Variants in HECTD4 observed in about 807,000 individuals in gnomAD.
HECTD4 encodes the protein HECT domain E3 ubiquitin protein ligase 4.
Under a neutral mutation model 471.5 loss-of-function variants are expected in HECTD4, and 114 were observed. The ratio of observed to expected loss-of-function variants is 0.24; its 90% CI spans 0.21 to 0.28. The LOEUF (loss-of-function observed/expected upper bound fraction) is 0.28. Ranked by LOEUF, HECTD4 falls within the 10% of genes least tolerant of loss-of-function variation. The pLI is 1.00. For missense variants in HECTD4, 3,866 were observed against 5,651.5 expected (o/e 0.68, Z 10.13); for synonymous variants, 2,012 against 2,256.0 (o/e 0.89, Z 3.07).
chr12:112,365,565 T>C (rs1382173748), intron 1 of HECTD4, among the ~76,000 whole-genome samples: 1 of 152,186 alleles, frequency 6.6e-6, no homozygotes, highest in Non-Finnish European at 1.5e-5. Flanking sequence ...GGCTACCAAC[T>C]GGACAGTGCA....
intron 44 of HECTD4, 87 bp from the exon 45 acceptor site, chr12:112,219,576 T>A: frequency 2.3e-6 from 2 of 864,422 alleles, no homozygotes; most frequent in Non-Finnish European, 3.7e-6. Flanking sequence ...ATCAAAACAA[T>A]AAAATGCACT....
chr12:112,382,402 T>G lies in HECTD4; in HGVS notation c.-274A>C. 1 of 314,038 alleles carries G rather than the reference T, an allele frequency of 3.2e-6. No homozygotes were observed. The highest frequency in any genetic ancestry group is 5.6e-6 in the Non-Finnish European group (1 of 176,998). 19.5% of individuals were successfully genotyped at this position (314,038 alleles called of 1,614,324 possible). ...GCCTCTGCCGCTCGGCAACCAACTG[T>G]CAGTGAGACGCCATGTTGGGGGCGG... On this transcript the variant is annotated 5_prime_UTR_variant, in exon 1 of 76. It removes the in-frame stop codon of an upstream open reading frame in the 5' UTR. Transcript: ENST00000682272.
chr12:112,162,014 C>A lies in HECTD4; in HGVS notation c.*373G>T, dbSNP rs749899185. 5.2e-6 allele frequency: 1 copy of A among 191,874 alleles called. No individual in the cohort carries two copies. The highest frequency in any genetic ancestry group is 1.1e-5 in the Non-Finnish European group (1 of 92,908). The allele number at this position is 191,874 out of a possible 1,614,324, so 11.9% of individuals were successfully genotyped here. ...TGAAAGCACGAGCGCTCTGTGTGGC[C>A]GAGGTCATTGTACCCCCGGCTTCCT... On this transcript the variant is annotated 3_prime_UTR_variant, in exon 76 of 76. Transcript: ENST00000682272. This position sits in a 1 kb window ranked among gnomAD's most constrained non-coding sequence, Gnocchi z 5.2.
intron 1 of HECTD4, among the ~76,000 whole-genome samples, chr12:112,366,645 C>A (rs1286440930): frequency 1.3e-5 from 2 of 151,342 alleles, no homozygotes; most frequent in Non-Finnish European, 2.9e-5. Context: ...CTTTGGGAAC[C>A]CAAGGTGGGC....
In HECTD4 at chr12:112,228,556, T is replaced by C; in HGVS notation, c.6684+91A>G. On this transcript the variant is annotated intron_variant, in intron 42 of 75. Coordinates refer to ENST00000682272, the MANE Select transcript of HECTD4 (RefSeq NM_001388303.1). This position sits in a 1 kb window ranked among gnomAD's most constrained non-coding sequence, Gnocchi z 4.9. ...AAGTACAATTTAAGATAATCAAGCATTTGTGCTTCTGCACTGAGCATGTGC... is the reference window on the plus strand; with the variant it reads ...AAGTACAATTTAAGATAATCAAGCACTTGTGCTTCTGCACTGAGCATGTGC... 8.8e-7 allele frequency: 1 copy of C among 1,136,620 alleles called. No homozygotes were observed. Among genetic ancestry groups the C allele is most frequent in the South Asian group, 1.7e-5 (1 of 59,458 alleles). The allele number at this position is 1,136,620 out of a possible 1,614,324, so 70.4% of individuals were successfully genotyped here.
intron 4 of HECTD4, among the ~76,000 whole-genome samples, chr12:112,311,223 C>T (rs1010178792): frequency 6.6e-6 from 1 of 151,364 alleles, no homozygotes; most frequent in African/African-American, 2.4e-5. Flanking sequence ...GATCGCGCCA[C>T]TGCACTGTAG....
At chr12:112,280,591 C>A (rs1426235086) in intron 8 of HECTD4, among the ~76,000 whole-genome samples, 1 of 150,584 alleles carries the variant, frequency 6.6e-6, no homozygotes, top group African/African-American at 2.4e-5. Context: ...TTTTAAGCTG[C>A]AAGCCCCCAC....
intron 1 of HECTD4, among the ~76,000 whole-genome samples, chr12:112,336,260 A>G (rs2035956336): frequency 6.6e-6 from 1 of 152,206 alleles, no homozygotes; most frequent in African/African-American, 2.4e-5. Context: ...GCGGTGGCTC[A>G]TGCCTGTAAT....
intron 1 of HECTD4, among the ~76,000 whole-genome samples, chr12:112,380,327 C>T (rs1362273978): frequency 6.6e-6 from 1 of 152,062 alleles, no homozygotes; most frequent in Non-Finnish European, 1.5e-5. Flanking sequence ...TGCCTGTAAT[C>T]CCAGCAACTC....
chr12:112,164,080 G>A, intron 73 of HECTD4, 29 bp downstream of exon 73: 2 of 1,409,878 alleles, frequency 1.4e-6, no homozygotes, highest in South Asian at 1.6e-5. Flanking sequence ...GCCAGCCCCT[G>A]CCAGCCCCTG....
At position 112,319,557 on chromosome 12, in the gene HECTD4, C is replaced by T; in HGVS notation, c.363G>A (p.Glu121=). The T allele has an allele frequency of 2.1e-6, 3 of 1,438,986 alleles. No homozygotes were observed. The highest frequency in any genetic ancestry group is 3.0e-5 in the South Asian group (2 of 67,440). The allele number at this position is 1,438,986 out of a possible 1,614,324, so 89.1% of individuals were successfully genotyped here. A position where few individuals can be genotyped will look rare whatever the true frequency, so the allele number is the denominator to read the frequency against. Residue 121 remains glutamate (E), a synonymous_variant, in exon 2 of 76, where the codon GAG becomes GAA. Transcript: ENST00000682272. This position sits in a 1 kb window ranked among gnomAD's most constrained non-coding sequence, Gnocchi z 5.3. ...EQHERESSGD[E]ETLALLKRQG... ...GGCGTTTGAGCAGGGCCAAAGTTTC[C>T]TCATCACCTGAACTTTCCCTTTCAT...
intron 54 of HECTD4, among the ~76,000 whole-genome samples, chr12:112,202,275 G>A (rs1339330229): frequency 2.0e-5 from 3 of 151,440 alleles, no homozygotes; most frequent in Admixed American, 6.6e-5. Context: ...GCATGATCTC[G>A]GCTCACCGCA....
At chr12:112,297,618 C>T (rs139103270) in intron 7 of HECTD4, among the ~76,000 whole-genome samples, 2 of 152,070 alleles carry the variant, frequency 1.3e-5, no homozygotes, top group East Asian at 3.9e-4. Flanking sequence ...GACACAGATG[C>T]CATTATCTGA....
chr12:112,212,389 T>C, intron 49 of HECTD4, 98 bp downstream of exon 49: 1 of 955,676 alleles, frequency 1.0e-6, no homozygotes, highest in Non-Finnish European at 1.6e-6. Context: ...CAATATTATG[T>C]ACAATGAGGG....
intron 7 of HECTD4, among the ~76,000 whole-genome samples, chr12:112,305,368 A>G (rs1256719528): frequency 1.3e-5 from 2 of 152,022 alleles, no homozygotes; most frequent in Non-Finnish European, 2.9e-5. Flanking sequence ...TCCCTAAAAC[A>G]TGCTGCCTCC....
In HECTD4 at chr12:112,248,340, C is replaced by T. The variant is rs1159019591; in HGVS notation, c.4123G>A (p.Ala1375Thr). Reference protein sequence around the residue: ...IMGETFKKLNAMERQLQSVAE... With the variant: ...IMGETFKKLNTMERQLQSVAE... Reference sequence around the variant, plus strand: ...TTTACCTGCAGCTGTCTCTCCATGGCATTGAGTTTCTTAAAGGTCTCTCCC... The same window carrying T: ...TTTACCTGCAGCTGTCTCTCCATGGTATTGAGTTTCTTAAAGGTCTCTCCC... The change falls in exon 26 of 76, where the codon GCC (alanine) becomes ACC (threonine). Residue 1375 changes from alanine to threonine, a missense_variant. By Grantham distance (58) the Ala-to-Thr change is moderately conservative (BLOSUM62 0). Transcript: ENST00000682272. The T allele has an allele frequency of 1.3e-6, 2 of 1,599,436 alleles. No individual in the cohort carries two copies. Among genetic ancestry groups the T allele is most frequent in the Non-Finnish European group, 1.7e-6 (2 of 1,172,242 alleles).
intron 7 of HECTD4, 105 bp from the exon 8 acceptor site, chr12:112,283,407 C>T (rs2034686025): frequency 1.3e-5 from 11 of 871,938 alleles, no homozygotes; most frequent in Non-Finnish European, 1.9e-5. Context: ...ATTTCAAAAA[C>T]TGCTCCTGAG....
At chr12:112,229,999 T>A in intron 40 of HECTD4, 119 bp from the exon 41 acceptor site, 2 of 887,708 alleles carry the variant, frequency 2.3e-6, no homozygotes, top group Non-Finnish European at 3.3e-6. Flanking sequence ...TCTGGACATG[T>A]GAGGGACCAA....
intron 50 of HECTD4, among the ~76,000 whole-genome samples, chr12:112,209,781 G>C (rs375159587): frequency 2.0e-5 from 3 of 152,346 alleles, no homozygotes; most frequent in South Asian, 4.1e-4. Flanking sequence ...TCTTGCACTG[G>C]CTGCCCTAAG....
Sources: gnomAD v4.1 joint callset for allele counts (sites outside exome capture counted in the v4.1 genomes callset) on GRCh38, gnomAD v4.1.1 for gene constraint, Gnocchi (gnomAD v3.1) non-coding constraint, MANE v1.5 for transcripts, NCBI Gene and HGNC (gene_info 2026-07-23, HGNC 2026-07-21) for gene names.